The following CLVS1 variants were observed in gnomAD, a reference collection of about 807,000 sequenced individuals.
The protein encoded by CLVS1 is clavesin-1.
In CLVS1, 10 loss-of-function variants were observed where a neutral mutation model predicts 33.1. The ratio of observed to expected loss-of-function variants is 0.30; its 90% CI spans 0.19 to 0.51. The LOEUF is 0.51. Ranked by LOEUF, CLVS1 falls within the 20% of genes least tolerant of loss-of-function variation. CLVS1 has a pLI of 0.97. For synonymous variants in CLVS1, 163 were observed against 166.1 expected (o/e 0.98, Z 0.14); for missense variants, 343 against 433.4 (o/e 0.79, Z 1.85).
chr8:61,008,993 G>C, the CLVS1 span, among the ~76,000 whole-genome samples: 1 of 152,004 alleles, frequency 6.6e-6, no homozygotes, highest in Non-Finnish European at 1.5e-5. Flanking sequence ...TTGACCACTT[G>C]CACCTCTTAT....
At chr8:61,241,658 C>T (rs1241637444) in intron 2 of CLVS1, among the ~76,000 whole-genome samples, 1 of 152,140 alleles carries the variant, frequency 6.6e-6, no homozygotes, top group African/African-American at 2.4e-5. Context: ...ACATTGGGAA[C>T]CTTGCAAGAC....
At chr8:61,272,537 G>T (rs1809464502) in intron 2 of CLVS1, among the ~76,000 whole-genome samples, 1 of 152,044 alleles carries the variant, frequency 6.6e-6, no homozygotes, top group South Asian at 2.1e-4. Flanking sequence ...CTGAACGTTG[G>T]CCTGCCTTGC....
At chr8:61,088,911 C>T (rs969074095) in intron 1 of CLVS1, among the ~76,000 whole-genome samples, 35 of 151,810 alleles carry the variant, frequency 2.3e-4, no homozygotes, top group Non-Finnish European at 4.4e-5. Context: ...ACGCCATTCT[C>T]CTGCCTCAGC....
chr8:61,000,154 T>A, the CLVS1 span, among the ~76,000 whole-genome samples: 1 of 152,236 alleles, frequency 6.6e-6, no homozygotes, highest in Non-Finnish European at 1.5e-5. Flanking sequence ...TTCACTGATT[T>A]GCTCTGAATC....
intron 2 of CLVS1, among the ~76,000 whole-genome samples, chr8:61,222,314 C>T (rs1808234355): frequency 6.6e-6 from 1 of 152,054 alleles, no homozygotes; most frequent in Admixed American, 6.6e-5. Context: ...CTGATATGGG[C>T]ATTTAGTGTT....
In CLVS1 at chr8:61,482,870, A is replaced by G. The variant is rs566476310; in HGVS notation, c.978-16585A>G. Among the ~76,000 whole-genome samples the G allele has an allele frequency of 7.2e-5, 11 of 152,350 alleles. No homozygotes were observed. The South Asian group carries it at 8.3e-4, about 11-fold the overall frequency. On this transcript the variant is annotated intron_variant, in intron 5 of 5. Transcript: ENST00000325897. ...GGTATATAACGAAATGAAGGCAGAA[A>G]TAAAGATGTTCTTTGAAACCAATGA...
chr8:61,092,365 C>T (rs370871973), intron 1 of CLVS1, among the ~76,000 whole-genome samples: 7 of 152,328 alleles, frequency 4.6e-5, no homozygotes, highest in African/African-American at 1.7e-4. Context: ...TCTGCTTCCA[C>T]ACTCAGTGCT....
At chr8:61,347,996 A>G (rs1163883436) in intron 2 of CLVS1, among the ~76,000 whole-genome samples, 1 of 151,450 alleles carries the variant, frequency 6.6e-6, no homozygotes, top group Non-Finnish European at 1.5e-5. Context: ...ACTCTCAGCG[A>G]TTTTCAATGT....
the CLVS1 span, among the ~76,000 whole-genome samples, chr8:60,980,694 A>G: frequency 6.6e-6 from 1 of 152,126 alleles, no homozygotes; most frequent in Non-Finnish European, 1.5e-5. Flanking sequence ...CTGAGGCATG[A>G]GAAATTGCTT....
intron 2 of CLVS1, among the ~76,000 whole-genome samples, chr8:61,148,786 TG>T (rs1469326766): frequency 6.6e-6 from 1 of 152,162 alleles, no homozygotes; most frequent in African/African-American, 2.4e-5. Context: ...ATGATTGAAA[TG>T]ACTGAGGAAT....
At chr8:61,264,638 G>T (rs1020396111) in intron 2 of CLVS1, 2 of 152,222 alleles carry the variant, frequency 1.3e-5, no homozygotes, top group African/African-American at 4.8e-5. Context: ...TTAAGGAAGA[G>T]AAGCTTTATT....
At chr8:61,054,333 G>A (rs1030983393), upstream of CLVS1, among the ~76,000 whole-genome samples, 8 of 152,184 alleles carry the variant, frequency 5.3e-5, no homozygotes, top group Admixed American at 3.9e-4. Context: ...GATTCCACCC[G>A]TGACCCAAGA....
chr8:61,439,168 G>A (rs952331922), intron 3 of CLVS1, among the ~76,000 whole-genome samples: 2 of 152,156 alleles, frequency 1.3e-5, no homozygotes, highest in Non-Finnish European at 2.9e-5. Flanking sequence ...ATCATATGAA[G>A]CATACTGTCA....
At chr8:61,159,275 T>C (rs1806709492) in intron 2 of CLVS1, among the ~76,000 whole-genome samples, 1 of 152,342 alleles carries the variant, frequency 6.6e-6, no homozygotes, top group African/African-American at 2.4e-5. Context: ...GTTGAATGCA[T>C]GTTCTTCTGG....
At chr8:61,323,018 TTATAGGCACC>T (rs1811254628) in intron 2 of CLVS1, among the ~76,000 whole-genome samples, 3 of 152,132 alleles carry the variant, frequency 2.0e-5, no homozygotes, top group Admixed American at 2.0e-4. Flanking sequence ...TCCTAATACT[TTATAGGCACC>T]TAAGGAACAC....
intron 2 of CLVS1, among the ~76,000 whole-genome samples, chr8:61,141,254 C>A (rs1038751970): frequency 2.0e-4 from 31 of 152,008 alleles, no homozygotes; most frequent in Non-Finnish European, 5.9e-5. Context: ...TGTCCTTCTC[C>A]CACTTTGCAT....
At chr8:61,416,943 C>T (rs1004045718) in intron 3 of CLVS1, among the ~76,000 whole-genome samples, 4 of 152,092 alleles carry the variant, frequency 2.6e-5, no homozygotes, top group South Asian at 2.1e-4. Context: ...GCCAAGGCAG[C>T]GTGAAGTTGA....
intron 1 of CLVS1, among the ~76,000 whole-genome samples, chr8:61,080,073 C>T (rs1804993890): frequency 6.6e-6 from 1 of 152,138 alleles, no homozygotes; most frequent in Non-Finnish European, 1.5e-5. Context: ...TAAATTTTAT[C>T]TATGGAAAGT....
chr8:61,187,533 A>C (rs1356187102), intron 2 of CLVS1, among the ~76,000 whole-genome samples: 2 of 152,152 alleles, frequency 1.3e-5, no homozygotes, highest in Non-Finnish European at 2.9e-5. Flanking sequence ...CATCTCACTC[A>C]ATCTTTACAA....
Sources: allele counts gnomAD v4.1 joint callset (sites outside exome capture counted in the v4.1 genomes callset), GRCh38; gene constraint gnomAD v4.1.1; transcripts MANE v1.5; gene names NCBI Gene and HGNC (gene_info 2026-07-23, HGNC 2026-07-21).